The following CRPPA variants were observed in gnomAD, a reference collection of about 807,000 sequenced individuals.
CRPPA encodes D-ribitol-5-phosphate cytidylyltransferase.
CRPPA carries 43 observed loss-of-function variants against 52.0 expected under a neutral mutation model. The observed-to-expected ratio is 0.83, with a 90% CI of 0.65 to 1.07. The LOEUF (loss-of-function observed/expected upper bound fraction) is 1.07. CRPPA is among the 50% of genes least tolerant of loss of function. The probability of loss-of-function intolerance (pLI) is 0.00; values close to 1 mark genes in which losing one functional copy is unlikely to be tolerated. For synonymous variants in CRPPA, 250 were observed against 203.5 expected, an observed-to-expected ratio of 1.23 and a Z score of -1.94; for missense variants, 629 against 551.7, an observed-to-expected ratio of 1.14 and a Z score of -1.40.
At chr7:16,166,468 C>T (rs1312517371) in intron 9 of CRPPA, among the ~76,000 whole-genome samples, 1 of 152,020 alleles carries the variant, frequency 6.6e-6, no homozygotes, top group Non-Finnish European at 1.5e-5. Flanking sequence ...TTAGTAGAGA[C>T]AAGGTTTCAC....
At chr7:16,312,493 A>G (rs931827991) in intron 3 of CRPPA, among the ~76,000 whole-genome samples, 5 of 151,990 alleles carry the variant, frequency 3.3e-5, no homozygotes, top group East Asian at 1.9e-4. Flanking sequence ...CCTTAATTCC[A>G]TAACTTCTGT....
chr7:16,279,162 G>C (rs1362510062), intron 5 of CRPPA, among the ~76,000 whole-genome samples: 2 of 152,140 alleles, frequency 1.3e-5, no homozygotes, highest in Non-Finnish European at 2.9e-5. Context: ...AAGTATGTTT[G>C]ATTAACTTTT....
chr7:16,258,328 G>T, intron 8 of CRPPA, 62 bp downstream of exon 8: 1 of 1,029,162 alleles, frequency 9.7e-7, no homozygotes. Context: ...TTAAAAATAT[G>T]TACATTGAGT....
chr7:16,364,401 CT>C (rs1471511434), intron 3 of CRPPA, among the ~76,000 whole-genome samples: 1 of 152,142 alleles, frequency 6.6e-6, no homozygotes, highest in African/African-American at 2.4e-5. Flanking sequence ...TGTATATTGC[CT>C]TTTGTGCCAG....
chr7:16,098,392 T>C lies in CRPPA; in HGVS notation c.1252-6593A>G, dbSNP rs372457856. Reference sequence around the variant, plus strand: ...TCTTTAAGGGTAAACATTTACATTGTCTCAGCAAATTCCATACCTAAAACC... The same window carrying C: ...TCTTTAAGGGTAAACATTTACATTGCCTCAGCAAATTCCATACCTAAAACC... On this transcript the variant is annotated intron_variant, in intron 9 of 9. Coordinates refer to ENST00000407010, the MANE Select transcript of CRPPA (RefSeq NM_001101426.4). Among the ~76,000 whole-genome samples the C allele has an allele frequency of 5.3e-5, 8 of 152,358 alleles. No individual in the cohort carries two copies. The East Asian group carries it at 1.2e-3, about 22-fold the overall frequency.
intron 9 of CRPPA, among the ~76,000 whole-genome samples, chr7:16,169,690 T>G (rs1781138421): frequency 6.6e-6 from 1 of 152,222 alleles, no homozygotes; most frequent in African/African-American, 2.4e-5. Context: ...GAAGTTCTTT[T>G]TGTGCTATGC....
intron 9 of CRPPA, among the ~76,000 whole-genome samples, chr7:16,161,702 A>G (rs1054749776): frequency 6.6e-6 from 1 of 152,180 alleles, no homozygotes; most frequent in African/African-American, 2.4e-5. Flanking sequence ...TGGACTCACA[A>G]AATCAGTAGG....
At chr7:16,141,782 C>T (rs1782877481) in intron 9 of CRPPA, among the ~76,000 whole-genome samples, 3 of 152,172 alleles carry the variant, frequency 2.0e-5, no homozygotes, top group Non-Finnish European at 4.4e-5. Context: ...TCAACTTGTA[C>T]ATTATTCTTT....
intron 2 of CRPPA, among the ~76,000 whole-genome samples, chr7:16,397,144 T>G (rs1031165461): frequency 6.6e-6 from 1 of 152,232 alleles, no homozygotes; most frequent in African/African-American, 2.4e-5. Context: ...GAGATGCGTG[T>G]CTGACACATT....
In CRPPA at chr7:16,191,811, T is replaced by G. The variant is rs1170209459; in HGVS notation, c.1251+24255A>C. On this transcript the variant is annotated intron_variant, in intron 9 of 9. Coordinates refer to ENST00000407010, the MANE Select transcript of CRPPA (RefSeq NM_001101426.4). ...GATCCTCAATGCCTCCTCCCTTACC[T>G]TATTCCACTTTATTTTTCCCCCTAG... is the stretch of plus-strand genomic sequence containing the variant. Among the ~76,000 whole-genome samples the G allele has an allele frequency of 2.0e-5, 3 of 152,240 alleles. No individual in the cohort carries two copies. In the East Asian group the frequency reaches 5.8e-4, roughly 29 times the overall value.
At chr7:16,205,454 C>T (rs1206718775) in intron 9 of CRPPA, among the ~76,000 whole-genome samples, 3 of 152,186 alleles carry the variant, frequency 2.0e-5, no homozygotes, top group Non-Finnish European at 2.9e-5. Flanking sequence ...ACACCCCCCA[C>T]ACCAGTTGTG....
intron 9 of CRPPA, among the ~76,000 whole-genome samples, chr7:16,110,412 TA>T (rs2128366817): frequency 6.6e-6 from 1 of 152,060 alleles, no homozygotes; most frequent in Non-Finnish European, 1.5e-5. Flanking sequence ...TTCATACAAA[TA>T]AAAAATATTG....
At chr7:16,168,609 A>G (rs1781115944) in intron 9 of CRPPA, among the ~76,000 whole-genome samples, 1 of 151,808 alleles carries the variant, frequency 6.6e-6, no homozygotes, top group Admixed American at 6.6e-5. Context: ...GAGAATGGAC[A>G]TTGATATTCT....
intron 3 of CRPPA, among the ~76,000 whole-genome samples, chr7:16,333,618 TG>T (rs1785609872): frequency 6.6e-6 from 1 of 152,162 alleles, no homozygotes; most frequent in African/African-American, 2.4e-5. Context: ...GCTTCCACCA[TG>T]GGAAACCAAA....
intron 6 of CRPPA, among the ~76,000 whole-genome samples, chr7:16,276,040 C>T (rs925693495): frequency 4.0e-5 from 6 of 150,934 alleles, no homozygotes; most frequent in East Asian, 3.9e-4. Flanking sequence ...AGAAACAAGG[C>T]GAGAAAATTT....
intron 3 of CRPPA, among the ~76,000 whole-genome samples, chr7:16,366,557 A>G (rs888546660): frequency 2.0e-5 from 3 of 152,190 alleles, no homozygotes; most frequent in Admixed American, 1.3e-4. Flanking sequence ...ACTGCCATAC[A>G]TATGAACTGA....
At chr7:16,092,215 C>G (rs1284662893) in intron 9 of CRPPA, among the ~76,000 whole-genome samples, 2 of 152,036 alleles carry the variant, frequency 1.3e-5, no homozygotes, top group Non-Finnish European at 2.9e-5. Context: ...GGGGGAAAAC[C>G]CTGCTTGCTG....
intron 9 of CRPPA, among the ~76,000 whole-genome samples, chr7:16,110,437 G>T (rs1782237577): frequency 6.6e-6 from 1 of 151,836 alleles, no homozygotes; most frequent in Admixed American, 6.6e-5. Flanking sequence ...AGTTCATATG[G>T]AACTGCAAAA....
At chr7:16,153,367 T>A (rs1783113350) in intron 9 of CRPPA, among the ~76,000 whole-genome samples, 1 of 152,064 alleles carries the variant, frequency 6.6e-6, no homozygotes, top group Admixed American at 6.6e-5. Context: ...TTTTTTCACA[T>A]TTCTAAAAGT....
Sources: allele counts gnomAD v4.1 joint callset (sites outside exome capture counted in the v4.1 genomes callset), GRCh38; gene constraint gnomAD v4.1.1; transcripts MANE v1.5; gene names NCBI Gene and HGNC (gene_info 2026-07-23, HGNC 2026-07-21).